TMEM108: variants seen among roughly 807,000 people sequenced by gnomAD.
The protein encoded by TMEM108 is transmembrane protein 108.
A neutral mutation model predicts 35.1 loss-of-function variants in TMEM108; 12 were observed. The observed-to-expected ratio is 0.34, with a 90% CI of 0.22 to 0.55. TMEM108 has a LOEUF of 0.55. Ranked by LOEUF, TMEM108 falls within the 20% of genes least tolerant of loss-of-function variation. The pLI is 0.89. For synonymous variants in TMEM108, 287 were observed against 308.6 expected (o/e 0.93, Z 0.73); for missense variants, 680 against 753.3 (o/e 0.90, Z 1.14).
At chr3:133,356,228 T>G (rs935088399) in intron 3 of TMEM108, among the ~76,000 whole-genome samples, 2 of 149,806 alleles carry the variant, frequency 1.3e-5, no homozygotes, top group African/African-American at 2.4e-5. Flanking sequence ...TTACAACAGC[T>G]GAAAAAAAAA....
chr3:133,291,625 A>G (rs532437383), intron 3 of TMEM108, among the ~76,000 whole-genome samples: 112 of 152,164 alleles, frequency 7.4e-4, no homozygotes, highest in Non-Finnish European at 1.3e-3. Context: ...TCATGGAGCT[A>G]TGGAATTTCT....
chr3:133,174,128 G>C (rs1034098799), intron 2 of TMEM108, among the ~76,000 whole-genome samples: 1 of 152,242 alleles, frequency 6.6e-6, no homozygotes, highest in Admixed American at 6.5e-5. Context: ...GCGAGGCTGG[G>C]GGAGGGTGCC....
intron 4 of TMEM108, among the ~76,000 whole-genome samples, chr3:133,384,582 T>C (rs759376419): frequency 1.4e-4 from 22 of 152,112 alleles, no homozygotes; most frequent in Non-Finnish European, 2.7e-4. Flanking sequence ...CTGAAATTGA[T>C]TGGATTCAGG....
At chr3:133,184,635 C>T (rs1945394461) in intron 2 of TMEM108, among the ~76,000 whole-genome samples, 1 of 151,814 alleles carries the variant, frequency 6.6e-6, no homozygotes. Context: ...TCCCTTCAGT[C>T]ATTTTTTTCT....
intron 3 of TMEM108, among the ~76,000 whole-genome samples, chr3:133,356,778 T>C (rs1210169460): frequency 1.3e-5 from 2 of 152,162 alleles, no homozygotes; most frequent in African/African-American, 4.8e-5. Flanking sequence ...TGTAGAAGAA[T>C]GAAACTGAAT....
rs149227470 is a variant in TMEM108 at position 133,366,909 on chromosome 3, A to G, written c.41-12843A>G. Among the ~76,000 whole-genome samples the G allele has an allele frequency of 3.3e-3, 499 of 152,352 alleles. 4 individuals carry two copies. The highest frequency in any genetic ancestry group is 0.011 in the African/African-American group (475 of 41,574). On this transcript the variant is annotated intron_variant, in intron 3 of 5. Transcript: ENST00000321871. ...AAGAGACCTGCAGCCAGCAAATGAG[A>G]CATCAGGTTTATTGAGGGGACTCAC...
At chr3:133,296,024 G>A (rs1405988779) in intron 3 of TMEM108, among the ~76,000 whole-genome samples, 1 of 152,136 alleles carries the variant, frequency 6.6e-6, no homozygotes, top group Non-Finnish European at 1.5e-5. Flanking sequence ...TGTCCAAATT[G>A]ACTATTTTCC....
At chr3:133,154,840 A>G (rs1439174039) in intron 2 of TMEM108, among the ~76,000 whole-genome samples, 1 of 152,144 alleles carries the variant, frequency 6.6e-6, no homozygotes, top group Admixed American at 6.5e-5. Context: ...GTGTACATGT[A>G]CTGTAAAACT....
chr3:133,155,783 C>T lies in TMEM108; in HGVS notation c.-46-73483C>T, dbSNP rs372865536. Among the ~76,000 whole-genome samples, 12 of 152,152 alleles carry T rather than the reference C, an allele frequency of 7.9e-5. 1 individual carries two copies. The South Asian group carries it at 1.5e-3, about 18-fold the overall frequency. The stretch of plus-strand genomic sequence containing the variant: ...TGTATAGTTTGCAGATATTTTCTCC[C>T]GTTCTGTGGGTTGTCTGTTTATTCT... On this transcript the variant is annotated intron_variant, in intron 2 of 5. Coordinates refer to ENST00000321871, the MANE Select transcript of TMEM108 (RefSeq NM_023943.4).
intron 2 of TMEM108, among the ~76,000 whole-genome samples, chr3:133,155,060 C>A (rs533196778): frequency 6.6e-6 from 1 of 151,922 alleles, no homozygotes; most frequent in South Asian, 2.1e-4. Context: ...TCTTTGTGTC[C>A]GTGTGTTCTT....
At chr3:133,077,977 G>T (rs147003854) in intron 2 of TMEM108, among the ~76,000 whole-genome samples, 1 of 152,110 alleles carries the variant, frequency 6.6e-6, no homozygotes, top group South Asian at 2.1e-4. Context: ...AGGTTTTTGT[G>T]TGTCTTCCAA....
chr3:133,195,497 A>G (rs1312589740), intron 2 of TMEM108, among the ~76,000 whole-genome samples: 1 of 151,956 alleles, frequency 6.6e-6, no homozygotes, highest in Admixed American at 6.6e-5. Flanking sequence ...AATTTTTCCT[A>G]TTCTCTTGTA....
At chr3:133,188,217 G>A (rs540004009) in intron 2 of TMEM108, among the ~76,000 whole-genome samples, 233 of 152,202 alleles carry the variant, frequency 1.5e-3, no homozygotes, top group African/African-American at 5.2e-3. Flanking sequence ...CGAACCAGGC[G>A]CGTCTGCACA....
chr3:133,338,424 A>G (rs1317938260), intron 3 of TMEM108, among the ~76,000 whole-genome samples: 2 of 152,166 alleles, frequency 1.3e-5, no homozygotes. Context: ...ACTGAAGGAA[A>G]AAACTTTTAT....
intron 4 of TMEM108, chr3:133,389,501 T>C: frequency 5.2e-6 from 3 of 575,976 alleles, no homozygotes; most frequent in African/African-American, 2.0e-5. Flanking sequence ...CTAACCAACA[T>C]GGCAAAACCC....
intron 4 of TMEM108, among the ~76,000 whole-genome samples, chr3:133,384,338 G>C (rs2073091616): frequency 6.6e-6 from 1 of 152,210 alleles, no homozygotes; most frequent in South Asian, 2.1e-4. Context: ...TCAGAATTCA[G>C]ATGGGCGGGG....
chr3:133,304,770 T>C (rs1160685666), intron 3 of TMEM108, among the ~76,000 whole-genome samples: 1 of 152,168 alleles, frequency 6.6e-6, no homozygotes, highest in Non-Finnish European at 1.5e-5. Context: ...TTGGATTGTG[T>C]CCAGTTTTTG....
chr3:133,084,324 G>A (rs6768986), intron 2 of TMEM108, among the ~76,000 whole-genome samples: 36,260 of 151,974 alleles, frequency 0.24, 4,486 homozygotes, highest in East Asian at 0.31. Context: ...ACAGACTTCT[G>A]TTACTGTCAC....
chr3:133,237,276 T>G (rs983041819), intron 3 of TMEM108, among the ~76,000 whole-genome samples: 1 of 152,110 alleles, frequency 6.6e-6, no homozygotes, highest in Non-Finnish European at 1.5e-5. Flanking sequence ...ATCCTTGACT[T>G]TCCTCCCACC....
Sources: gnomAD v4.1 joint callset for allele counts (sites outside exome capture counted in the v4.1 genomes callset) on GRCh38, gnomAD v4.1.1 for gene constraint, MANE v1.5 for transcripts, NCBI Gene and HGNC (gene_info 2026-07-23, HGNC 2026-07-21) for gene names.